The following TMEM45B variants were observed in gnomAD, a reference collection of about 807,000 sequenced individuals.
The protein encoded by TMEM45B is transmembrane protein 45B.
Under a neutral mutation model 27.3 loss-of-function variants are expected in TMEM45B, and 29 were observed. The observed-to-expected ratio is 1.06, with a 90% CI of 0.79 to 1.45. The LOEUF (loss-of-function observed/expected upper bound fraction) is 1.45, where lower values mean the gene tolerates loss of function less well. TMEM45B is among the 40% of genes most tolerant of loss of function. TMEM45B has a pLI of 0.00. For synonymous variants in TMEM45B, 143 were observed against 134.7 expected (o/e 1.06, Z -0.43); for missense variants, 348 against 343.9 (o/e 1.01, Z -0.09).
At chr11:129,848,190 G>A (rs1340868062) in intron 1 of TMEM45B, among the ~76,000 whole-genome samples, 2 of 151,884 alleles carry the variant, frequency 1.3e-5, no homozygotes, top group Non-Finnish European at 2.9e-5. Flanking sequence ...GGTTGTAGCC[G>A]AGATCACGCC....
intron 1 of TMEM45B, among the ~76,000 whole-genome samples, chr11:129,821,101 A>T (rs1947414353): frequency 6.6e-6 from 1 of 152,126 alleles, no homozygotes; most frequent in Admixed American, 6.6e-5. Context: ...ATTATTCCCA[A>T]CTAAGGCACA....
intron 3 of TMEM45B, 142 bp downstream of exon 3, chr11:129,854,958 T>C (rs544549356): frequency 1.1e-5 from 10 of 910,298 alleles, no homozygotes; most frequent in Middle Eastern, 6.8e-4. Context: ...AAAACCTGAA[T>C]AGGACCTAGT....
intron 1 of TMEM45B, among the ~76,000 whole-genome samples, chr11:129,843,824 GA>G (rs1366332197): frequency 3.3e-5 from 5 of 152,212 alleles, no homozygotes; most frequent in Non-Finnish European, 7.3e-5. Flanking sequence ...TGGATAAAGG[GA>G]ACCTTTACAT....
At chr11:129,834,937 T>C (rs1192528655) in intron 1 of TMEM45B, among the ~76,000 whole-genome samples, 11 of 151,954 alleles carry the variant, frequency 7.2e-5, no homozygotes, top group African/African-American at 2.4e-4. Flanking sequence ...TGGACAGAAA[T>C]GAGGAACATG....
chr11:129,849,253 T>G lies in TMEM45B; in HGVS notation c.-8-3222T>G, dbSNP rs1321021707. 2.0e-5 allele frequency among the ~76,000 whole-genome samples: 3 copies of G among 152,340 alleles called. No individual in the cohort carries two copies. The East Asian group carries it at 5.8e-4, about 29-fold the overall frequency. The stretch of plus-strand genomic sequence containing the variant: ...CTGTGAATTCAAATGAGTTGCGTAC[T>G]TTGATTCAAATACAATGGCGTGACA... On this transcript the variant is annotated intron_variant, in intron 1 of 5. Coordinates refer to ENST00000281441, the MANE Select transcript of TMEM45B (RefSeq NM_138788.5).
chr11:129,853,978 C>A (rs1018917476), intron 2 of TMEM45B, among the ~76,000 whole-genome samples: 1 of 152,196 alleles, frequency 6.6e-6, no homozygotes, highest in African/African-American at 2.4e-5. Flanking sequence ...GTCGCAGTTT[C>A]GTCATTTTCT....
At chr11:129,816,274 C>G (rs182756351) in intron 1 of TMEM45B, among the ~76,000 whole-genome samples, 16 of 152,138 alleles carry the variant, frequency 1.1e-4, no homozygotes, top group Non-Finnish European at 2.4e-4. Context: ...TGTGAAGCCC[C>G]GGGCCTCCGT....
chr11:129,831,758 A>G (rs1947549462), intron 1 of TMEM45B, among the ~76,000 whole-genome samples: 1 of 152,238 alleles, frequency 6.6e-6, no homozygotes, highest in South Asian at 2.1e-4. Context: ...ACAATGGAAT[A>G]TTATTTGGCC....
rs74894318 is a variant in TMEM45B, at chr11:129,822,314, G to A, written c.-9+6416G>A. On this transcript the variant is annotated intron_variant, in intron 1 of 5. Transcript: ENST00000281441. ...TTTTCTTCAGCTACCTACAATGTCTGTGTCTATTTTTAAAGTGACGTTTAA... is the reference window on the plus strand; with the variant it reads ...TTTTCTTCAGCTACCTACAATGTCTATGTCTATTTTTAAAGTGACGTTTAA... Among the ~76,000 whole-genome samples, 1,128 of 152,196 alleles carry A rather than the reference G, an allele frequency of 7.4e-3. 109 individuals carry two copies. The East Asian group carries it at 0.19, about 25-fold the overall frequency.
intron 1 of TMEM45B, among the ~76,000 whole-genome samples, chr11:129,819,745 G>A (rs1420195378): frequency 3.3e-5 from 5 of 151,668 alleles, no homozygotes; most frequent in Non-Finnish European, 7.4e-5. Flanking sequence ...TAGTAGAGAC[G>A]GGGTTTCACC....
At chr11:129,844,254 G>T (rs1427059506) in intron 1 of TMEM45B, among the ~76,000 whole-genome samples, 1 of 152,136 alleles carries the variant, frequency 6.6e-6, no homozygotes, top group Non-Finnish European at 1.5e-5. Flanking sequence ...AATCAAACTG[G>T]ATATAAACAG....
Position 129,852,433 on chromosome 11 carries a change from T to G in TMEM45B, c.-8-42T>G, listed in dbSNP as rs73573559. The G allele has an allele frequency of 1.7e-3, 2,605 of 1,538,814 alleles. 29 individuals carry two copies. The African/African-American group carries it at 0.029, about 17-fold the overall frequency. On this transcript the variant is annotated intron_variant, in intron 1 of 5. Coordinates refer to ENST00000281441, the MANE Select transcript of TMEM45B (RefSeq NM_138788.5). The stretch of plus-strand genomic sequence containing the variant: ...CCTGCCAAAATATACATTTGTTTGC[T>G]TGCTTCATTAGCCACCTAACAGCCT...
At chr11:129,828,590 G>A (rs1258744714) in intron 1 of TMEM45B, among the ~76,000 whole-genome samples, 6 of 152,196 alleles carry the variant, frequency 3.9e-5, no homozygotes, top group Non-Finnish European at 7.3e-5. Flanking sequence ...CTCATAGAAC[G>A]TGAAGAGGTA....
At chr11:129,816,402 G>T (rs1947351583) in intron 1 of TMEM45B, among the ~76,000 whole-genome samples, 1 of 152,126 alleles carries the variant, frequency 6.6e-6, no homozygotes, top group Admixed American at 6.5e-5. Flanking sequence ...CTTGTTAGCT[G>T]CGATACACAA....
intron 1 of TMEM45B, among the ~76,000 whole-genome samples, chr11:129,822,825 T>C (rs951307683): frequency 1.3e-5 from 2 of 151,616 alleles, no homozygotes; most frequent in Admixed American, 1.3e-4. Flanking sequence ...ATGGATTATA[T>C]TGGGAAAACA....
intron 1 of TMEM45B, among the ~76,000 whole-genome samples, chr11:129,851,502 C>T (rs997565282): frequency 3.1e-5 from 4 of 129,982 alleles, no homozygotes; most frequent in Non-Finnish European, 6.4e-5. Context: ...CAAGATCGTG[C>T]CACTGCACTC....
chr11:129,847,799 C>T (rs924013537), intron 1 of TMEM45B, among the ~76,000 whole-genome samples: 2 of 152,268 alleles, frequency 1.3e-5, no homozygotes, highest in Admixed American at 6.5e-5. Flanking sequence ...TACACAGACA[C>T]AGCAACCATC....
chr11:129,831,908 A>T (rs925448800), intron 1 of TMEM45B, among the ~76,000 whole-genome samples: 20 of 151,950 alleles, frequency 1.3e-4, no homozygotes, highest in African/African-American at 3.4e-4. Context: ...TCTATTATAA[A>T]TGTAAAAATT....
intron 1 of TMEM45B, chr11:129,850,290 G>A (rs191486692): frequency 7.0e-4 from 106 of 152,088 alleles, no homozygotes; most frequent in African/African-American, 2.4e-3. Context: ...TCAGTCTCCC[G>A]AGTAGCTGGG....
Sources: gnomAD v4.1 joint callset for allele counts (sites outside exome capture counted in the v4.1 genomes callset) on GRCh38, gnomAD v4.1.1 for gene constraint, MANE v1.5 for transcripts, NCBI Gene and HGNC (gene_info 2026-07-23, HGNC 2026-07-21) for gene names.